L1TD1: variants seen among roughly 807,000 people sequenced by gnomAD.
L1TD1 encodes the protein LINE-1 type transposase domain-containing protein 1.
Under a neutral mutation model 25.7 loss-of-function variants are expected in L1TD1, and 26 were observed. The observed-to-expected ratio is 1.01, with a 90% CI of 0.74 to 1.40. The LOEUF is 1.40. Ranked by LOEUF, L1TD1 falls within the 40% of genes most tolerant of loss-of-function variation. L1TD1 has a pLI of 0.00. For missense variants in L1TD1, 1,130 were observed against 975.0 expected (o/e 1.16, Z -2.12); for synonymous variants, 421 against 335.6 (o/e 1.25, Z -2.78).
chr1:62,199,653 C>T (rs962946630), intron 2 of L1TD1, among the ~76,000 whole-genome samples: 5 of 151,786 alleles, frequency 3.3e-5, no homozygotes, highest in African/African-American at 7.3e-5. Flanking sequence ...AGTGTAGCCT[C>T]GGCAACATCG....
Position 62,209,748 on chromosome 1 carries a change from A to G in L1TD1, c.1009-35A>G, listed in dbSNP as rs1357662197. The stretch of plus-strand genomic sequence containing the variant: ...TTTAAAAGACAAATGATTTAAACAA[A>G]TAACTCTTTTTTTTCTTCTTTGTTT... On this transcript the variant is annotated intron_variant, in intron 3 of 3. Transcript: ENST00000498273. The G allele has an allele frequency of 2.8e-6, 4 of 1,403,754 alleles. No individual in the cohort carries two copies. In the African/African-American group the frequency reaches 5.8e-5, roughly 20 times the overall value. 87.0% of individuals were successfully genotyped at this position (1,403,754 alleles called of 1,614,324 possible). A position where few individuals can be genotyped will look rare whatever the true frequency, so the allele number is the denominator to read the frequency against.
rs368736033 is a variant in L1TD1, at chr1:62,199,278, AC to A, written c.-111+2752del. ...TTTGGGAGGCTGAGGCAGGTGGATC[AC>A]CTGAGGTCAGGAGTTTGAAACCAGC... On this transcript the variant is annotated intron_variant, in intron 2 of 3. Transcript: ENST00000498273. Among the ~76,000 whole-genome samples, 374 of 152,266 alleles carry A rather than the reference AC, an allele frequency of 2.5e-3. 1 individual carries two copies. The highest frequency in any genetic ancestry group is 8.5e-3 in the African/African-American group (354 of 41,558).
rs11809876 is a variant in L1TD1, at chr1:62,209,722, C to A, written c.1009-61C>A. On this transcript the variant is annotated intron_variant, in intron 3 of 3. Coordinates refer to ENST00000498273, the MANE Select transcript of L1TD1 (RefSeq NM_019079.5). ...AATTAGTGAAATTGAAATTTTAATT[C>A]TTTAAAAGACAAATGATTTAAACAA... is the stretch of plus-strand genomic sequence containing the variant. 3.2e-3 allele frequency: 4,095 copies of A among 1,291,408 alleles called. 99 individuals are homozygous for A. The African/African-American group carries it at 0.052, about 16-fold the overall frequency. 80.0% of individuals were successfully genotyped at this position (1,291,408 alleles called of 1,614,324 possible).
Position 62,210,719 on chromosome 1 carries a change from GTA to G in L1TD1, c.1946_1947del (p.Val649GlyfsTer2). On this transcript the variant is annotated frameshift_variant, in exon 4 of 4. Coordinates refer to ENST00000498273, the MANE Select transcript of L1TD1 (RefSeq NM_019079.5). LOFTEE classifies it low-confidence loss of function (END_TRUNC). ...HSGVLEIENS[V>X]DDLSSRMDIL... ...AGGTGTCTTGGAAATTGAAAATTCA[GTA>G]GATGATCTGAGTAGCAGAATGGACA... 1 of 1,551,780 alleles carries G rather than the reference GTA, an allele frequency of 6.4e-7. No homozygotes were observed. Among genetic ancestry groups the G allele is most frequent in the Non-Finnish European group, 8.7e-7 (1 of 1,147,014 alleles).
In L1TD1 at chr1:62,209,989, G is replaced by A. The variant is rs758114243; in HGVS notation, c.1215G>A (p.Glu405=). The A allele has an allele frequency of 2.0e-6, 3 of 1,473,012 alleles. No individual in the cohort carries two copies. The African/African-American group carries it at 4.6e-5, about 23-fold the overall frequency. The allele number at this position is 1,473,012 out of a possible 1,614,324, so 91.2% of individuals were successfully genotyped here. A position where few individuals can be genotyped will look rare whatever the true frequency, so the allele number is the denominator to read the frequency against. ...EDDEDTSGLE[E]EEEEPSGLEE... ...ATGAAGATACCTCAGGGCTGGAGGA[G>A]GAGGAGGAAGAGCCCTCAGGGCTGG... Residue 405 remains glutamate (E), a synonymous_variant, in exon 4 of 4, where the codon GAG becomes GAA. Coordinates refer to ENST00000498273, the MANE Select transcript of L1TD1 (RefSeq NM_019079.5).
In L1TD1 at chr1:62,207,460, T is replaced by C; in HGVS notation, c.832T>C (p.Cys278Arg). Residue 278 changes from cysteine (C) to arginine (R), a missense_variant, in exon 3 of 4, where the codon TGT (cysteine) becomes CGT (arginine). Cys to Arg is a radical substitution (Grantham distance 180, BLOSUM62 -3). Transcript: ENST00000498273. ...RENDFEPKFLCEVKLAFKCDG... is the reference protein window; with the variant it reads ...RENDFEPKFLREVKLAFKCDG... Reference sequence around the variant, plus strand: ...AAATGATTTTGAACCTAAATTTCTGTGTGAAGTTAAATTAGCATTTAAATG... The same window carrying C: ...AAATGATTTTGAACCTAAATTTCTGCGTGAAGTTAAATTAGCATTTAAATG... 1 of 1,551,134 alleles carries C rather than the reference T, an allele frequency of 6.4e-7. No individual in the cohort carries two copies. Among genetic ancestry groups the C allele is most frequent in the Non-Finnish European group, 8.7e-7 (1 of 1,146,690 alleles).
intron 2 of L1TD1, among the ~76,000 whole-genome samples, chr1:62,204,178 A>G (rs576586774): frequency 6.6e-6 from 1 of 151,962 alleles, no homozygotes; most frequent in African/African-American, 2.4e-5. Context: ...AGTATTCCTT[A>G]TTTGTATTTT....
At chr1:62,203,429 C>CTTTTTT (rs1256403305) in intron 2 of L1TD1, among the ~76,000 whole-genome samples, 1 of 149,480 alleles carries the variant, frequency 6.7e-6, no homozygotes, top group Non-Finnish European at 1.5e-5. Context: ...ATTCTACTCT[C>CTTTTTT]TTTTTTTTTT....
At chr1:62,196,093 A>C (rs940259260) in intron 1 of L1TD1, among the ~76,000 whole-genome samples, 1 of 152,174 alleles carries the variant, frequency 6.6e-6, no homozygotes, top group Non-Finnish European at 1.5e-5. Context: ...GGAAGTAATA[A>C]CTTTTGCATT....
At chr1:62,195,725 C>G (rs1190846932) in intron 1 of L1TD1, among the ~76,000 whole-genome samples, 2 of 151,612 alleles carry the variant, frequency 1.3e-5, no homozygotes, top group South Asian at 2.1e-4. Context: ...GCGCTCCAGA[C>G]TGGGCAACAG....
rs1570932469 is a variant in L1TD1, at chr1:62,210,473, G to C, written c.1699G>C (p.Asp567His). The C allele has an allele frequency of 1.2e-6, 2 of 1,614,130 alleles. No individual in the cohort carries two copies. The highest frequency in any genetic ancestry group is 1.7e-6 in the Non-Finnish European group (2 of 1,180,028). Residue 567 changes from aspartate (D) to histidine (H), a missense_variant, in exon 4 of 4, where the codon GAT (aspartate) becomes CAT (histidine). Physicochemically the swap from Asp to His is moderately conservative, Grantham distance 81 (BLOSUM62 -1). Transcript: ENST00000498273. ...CTCAAAGTCACTAGAGATGAGTCATGATGAGCATAAAAAGCATTCACATAC... is the reference window on the plus strand; with the variant it reads ...CTCAAAGTCACTAGAGATGAGTCATCATGAGCATAAAAAGCATTCACATAC... ...SPSKSLEMSH[D>H]EHKKHSHTNL...
In L1TD1 at chr1:62,210,568, C is replaced by G. The variant is rs752512393; in HGVS notation, c.1794C>G (p.His598Gln). 5 of 1,613,024 alleles carry G rather than the reference C, an allele frequency of 3.1e-6. No homozygotes were observed. The East Asian group carries it at 1.1e-4, about 36-fold the overall frequency. Reference protein sequence around the residue: ...KTEEKKHRTLHTEELTSKEAD... With the variant: ...KTEEKKHRTLQTEELTSKEAD... The stretch of plus-strand genomic sequence containing the variant: ...AAGAAAAGAAACACAGAACTCTGCA[C>G]ACAGAAGAACTAACATCCAAAGAAG... Residue 598 changes from histidine to glutamine, a missense_variant, in exon 4 of 4, where the codon CAC becomes CAG. His to Gln is a conservative substitution (Grantham distance 24). Transcript: ENST00000498273.
intron 2 of L1TD1, among the ~76,000 whole-genome samples, chr1:62,196,929 C>T (rs941713873): frequency 6.6e-6 from 1 of 151,758 alleles, no homozygotes; most frequent in Non-Finnish European, 1.5e-5. Context: ...AGGGAAATGA[C>T]CTTGGGTCTG....
intron 2 of L1TD1, among the ~76,000 whole-genome samples, chr1:62,197,391 AAT>A (rs1670561776): frequency 2.3e-5 from 3 of 132,520 alleles, no homozygotes; most frequent in South Asian, 4.9e-4. Flanking sequence ...TCTCAAAAAA[AAT>A]AAATTATATA....
At chr1:62,202,855 G>A (rs1329225782) in intron 2 of L1TD1, among the ~76,000 whole-genome samples, 3 of 151,722 alleles carry the variant, frequency 2.0e-5, no homozygotes, top group Non-Finnish European at 4.4e-5. Context: ...AGCTAAATCT[G>A]TATTTGTAGT....
chr1:62,203,426 T>C (rs549329268), intron 2 of L1TD1, among the ~76,000 whole-genome samples: 1 of 151,894 alleles, frequency 6.6e-6, no homozygotes, highest in South Asian at 2.1e-4. Flanking sequence ...ATCATTCTAC[T>C]CTCTTTTTTT....
chr1:62,197,684 G>T (rs1670570223), intron 2 of L1TD1, among the ~76,000 whole-genome samples: 1 of 151,876 alleles, frequency 6.6e-6, no homozygotes, highest in Non-Finnish European at 1.5e-5. Flanking sequence ...CTGGAGACCA[G>T]CCTGGCCAAC....
rs1177639858 is a variant in L1TD1 at position 62,209,778 on chromosome 1, T to C, written c.1009-5T>C. The C allele has an allele frequency of 8.7e-6, 13 of 1,486,892 alleles. No individual in the cohort carries two copies. The highest frequency in any genetic ancestry group is 1.2e-5 in the Non-Finnish European group (13 of 1,105,446). The allele number at this position is 1,486,892 out of a possible 1,614,324, so 92.1% of individuals were successfully genotyped here. On this transcript the variant is annotated splice_polypyrimidine_tract_variant and splice_region_variant and intron_variant, in intron 3 of 3. Coordinates refer to ENST00000498273, the MANE Select transcript of L1TD1 (RefSeq NM_019079.5). ...TCTTTTTTTTCTTCTTTGTTTAACTTTCAGGATAAAACCCTAATAGACTCA... is the reference window on the plus strand; with the variant it reads ...TCTTTTTTTTCTTCTTTGTTTAACTCTCAGGATAAAACCCTAATAGACTCA...
At chr1:62,209,676 T>G (rs1670818250) in intron 3 of L1TD1, 107 bp from the exon 4 acceptor site, 3 of 973,660 alleles carry the variant, frequency 3.1e-6, no homozygotes, top group Non-Finnish European at 4.4e-6. Context: ...ATATTTTCTG[T>G]CAGAATTGAA....
Sources: gnomAD v4.1 joint callset for allele counts (sites outside exome capture counted in the v4.1 genomes callset) on GRCh38, gnomAD v4.1.1 for gene constraint, MANE v1.5 for transcripts, NCBI Gene and HGNC (gene_info 2026-07-23, HGNC 2026-07-21) for gene names.